The following BLK variants were observed in gnomAD, a reference collection of about 807,000 sequenced individuals.
BLK encodes tyrosine-protein kinase Blk.
In BLK, 64 loss-of-function variants were observed where a neutral mutation model predicts 61.8. The observed-to-expected ratio is 1.03, with a 90% CI of 0.85 to 1.27. The LOEUF (loss-of-function observed/expected upper bound fraction) is 1.27, where lower values mean the gene tolerates loss of function less well. BLK is among the 50% of genes most tolerant of loss of function. The pLI is 0.00. For synonymous variants in BLK, 351 were observed against 272.0 expected (o/e 1.29, Z -2.86); for missense variants, 853 against 660.5 (o/e 1.29, Z -3.19).
chr8:11,559,881 T>C, intron 10 of BLK: 1 of 455,930 alleles, frequency 2.2e-6, no homozygotes. Flanking sequence ...TTAGCTCAGG[T>C]GTTCCCGGAA....
intron 1 of BLK, among the ~76,000 whole-genome samples, chr8:11,524,918 C>CA (rs34067077): frequency 0.017 from 2,239 of 127,948 alleles, 25 homozygotes; most frequent in African/African-American, 0.035. Flanking sequence ...TGCTTTTTTA[C>CA]AAAAAAAAAA....
chr8:11,515,515 C>A (rs756799420), intron 1 of BLK, among the ~76,000 whole-genome samples: 80 of 152,188 alleles, frequency 5.3e-4, no homozygotes, highest in Non-Finnish European at 9.3e-4. Flanking sequence ...GCTTGCGTCT[C>A]TCTGGGGCAT....
chr8:11,553,429 T>C (rs1563117895), intron 6 of BLK: 1 of 439,414 alleles, frequency 2.3e-6, no homozygotes. Context: ...AGGTCGTCTT[T>C]ACAAAGGACA....
At chr8:11,511,296 G>C (rs770196746) in intron 1 of BLK, among the ~76,000 whole-genome samples, 4 of 152,172 alleles carry the variant, frequency 2.6e-5, no homozygotes, top group Non-Finnish European at 4.4e-5. Flanking sequence ...CCTGTTGTGG[G>C]GTGGGGAGAG....
intron 1 of BLK, among the ~76,000 whole-genome samples, chr8:11,537,009 C>G (rs753551034): frequency 6.6e-6 from 1 of 152,182 alleles, no homozygotes; most frequent in African/African-American, 2.4e-5. Flanking sequence ...TTGACAGCAA[C>G]TGAATGTCTG....
intron 1 of BLK, among the ~76,000 whole-genome samples, chr8:11,536,450 G>C (rs533485425): frequency 2.6e-4 from 39 of 152,262 alleles, no homozygotes; most frequent in African/African-American, 8.9e-4. Flanking sequence ...GAGTGCAGTG[G>C]CAGGATCTTG....
At chr8:11,556,927 A>G in intron 9 of BLK, 90 bp downstream of exon 9, 5 of 1,234,690 alleles carry the variant, frequency 4.0e-6, no homozygotes, top group South Asian at 2.6e-5. Context: ...TGGGTTCACC[A>G]GGCCAGGGGG....
intron 10 of BLK, chr8:11,559,088 C>T (rs945522208): frequency 2.3e-5 from 10 of 442,270 alleles, no homozygotes; most frequent in Admixed American, 1.2e-4. Flanking sequence ...CTCTCACCCT[C>T]CGCTGTCTCC....
intron 1 of BLK, among the ~76,000 whole-genome samples, chr8:11,540,779 A>G (rs1800338208): frequency 6.6e-6 from 1 of 152,092 alleles, no homozygotes; most frequent in Admixed American, 6.6e-5. Context: ...CCCCAGACAC[A>G]GATGGCTTCA....
chr8:11,512,469 T>C (rs1365515094), intron 1 of BLK, among the ~76,000 whole-genome samples: 1 of 152,246 alleles, frequency 6.6e-6, no homozygotes, highest in Non-Finnish European at 1.5e-5. Context: ...TCTAATCATT[T>C]AGGTTCAATT....
intron 1 of BLK, among the ~76,000 whole-genome samples, chr8:11,506,786 C>A (rs1798784202): frequency 6.6e-6 from 1 of 152,196 alleles, no homozygotes; most frequent in Admixed American, 6.5e-5. Context: ...AGATTCCAGG[C>A]CACATCCCAG....
At chr8:11,536,881 A>G (rs944389129) in intron 1 of BLK, among the ~76,000 whole-genome samples, 32 of 152,228 alleles carry the variant, frequency 2.1e-4, no homozygotes, top group Non-Finnish European at 3.8e-4. Context: ...GTACAGAATC[A>G]TGCCCACTCT....
chr8:11,557,327 T>C (rs911971982), intron 9 of BLK, among the ~76,000 whole-genome samples: 3 of 152,202 alleles, frequency 2.0e-5, no homozygotes, highest in African/African-American at 7.2e-5. Context: ...CACCCTCCTA[T>C]GACCCTGACC....
At position 11,562,097 on chromosome 8, in the gene BLK, G is replaced by C. The variant is rs531009533; in HGVS notation, c.1180+645G>C. Among the ~76,000 whole-genome samples, 6 of 152,300 alleles carry C rather than the reference G, an allele frequency of 3.9e-5. No individual in the cohort carries two copies. In the South Asian group the frequency reaches 6.2e-4, roughly 16 times the overall value. On this transcript the variant is annotated intron_variant, in intron 11 of 12. Transcript: ENST00000259089. The stretch of plus-strand genomic sequence containing the variant: ...ACCTCCCAAAGCGCTGGGATGACAG[G>C]TGTAAGCCATGCCCAAATACTATTT...
intron 8 of BLK, chr8:11,556,359 A>AG: frequency 2.2e-6 from 1 of 447,730 alleles, no homozygotes; most frequent in Non-Finnish European, 4.1e-6. Context: ...TATGTAGGGG[A>AG]GGGGTGGGGG....
intron 6 of BLK, among the ~76,000 whole-genome samples, 183 bp downstream of exon 6, chr8:11,550,445 C>T (rs1160522621): frequency 6.6e-6 from 1 of 152,246 alleles, no homozygotes; most frequent in Middle Eastern, 3.2e-3. Flanking sequence ...CCACACAGTC[C>T]TCCCTGTCCC....
intron 2 of BLK, 48 bp from the exon 3 acceptor site, chr8:11,546,004 C>T: frequency 6.3e-7 from 1 of 1,598,724 alleles, no homozygotes; most frequent in Non-Finnish European, 8.6e-7. Flanking sequence ...CAGGCCCCAC[C>T]CACGCAGCAG....
At chr8:11,545,720 T>A (rs572255183) in intron 2 of BLK, 1 of 393,686 alleles carries the variant, frequency 2.5e-6, no homozygotes, top group African/African-American at 2.0e-5. Flanking sequence ...TGTCAACAAA[T>A]ACCCGTTTGC....
chr8:11,508,736 T>G (rs1798877786), intron 1 of BLK, among the ~76,000 whole-genome samples: 1 of 152,214 alleles, frequency 6.6e-6, no homozygotes, highest in Admixed American at 6.5e-5. Flanking sequence ...ACAGCCACTG[T>G]AGTGTCAGCT....
Sources: gnomAD v4.1 joint callset for allele counts (sites outside exome capture counted in the v4.1 genomes callset) on GRCh38, gnomAD v4.1.1 for gene constraint, MANE v1.5 for transcripts, NCBI Gene and HGNC (gene_info 2026-07-23, HGNC 2026-07-21) for gene names.